SLC44A5: variants seen among roughly 807,000 people sequenced by gnomAD.
SLC44A5 encodes the protein choline transporter-like protein 5.
Under a neutral mutation model 101.8 loss-of-function variants are expected in SLC44A5, and 57 were observed. That is an observed-to-expected ratio of 0.56 (90% CI 0.45 to 0.70). The LOEUF is 0.70. Among genes scored for constraint, SLC44A5 ranks in the 30% least tolerant of loss-of-function variants. The probability of loss-of-function intolerance (pLI) is 0.00; values close to 1 mark genes in which losing one functional copy is unlikely to be tolerated. For missense variants in SLC44A5, 737 were observed against 853.1 expected (o/e 0.86, Z 1.70); for synonymous variants, 281 against 290.9 (o/e 0.97, Z 0.35).
intron 2 of SLC44A5, among the ~76,000 whole-genome samples, chr1:75,444,838 A>G (rs1335338183): frequency 1.3e-5 from 2 of 152,134 alleles, no homozygotes; most frequent in Non-Finnish European, 2.9e-5. Flanking sequence ...GAAGATCATG[A>G]AGTACTCTTC....
chr1:75,594,663 A>T (rs1237417095), intron 1 of SLC44A5, among the ~76,000 whole-genome samples: 1 of 151,918 alleles, frequency 6.6e-6, no homozygotes, highest in African/African-American at 2.4e-5. Context: ...GAAAATTAAT[A>T]TTTTCAAATT....
At chr1:75,685,121 C>T in the SLC44A5 span, among the ~76,000 whole-genome samples, 1 of 152,216 alleles carries the variant, frequency 6.6e-6, no homozygotes, top group Non-Finnish European at 1.5e-5. Context: ...ATGGCCTAAG[C>T]TGTACCTTGG....
chr1:75,360,304 T>C (rs972565047), intron 3 of SLC44A5, among the ~76,000 whole-genome samples: 1 of 152,144 alleles, frequency 6.6e-6, no homozygotes, highest in African/African-American at 2.4e-5. Context: ...GTTTCAGGTA[T>C]ATATTTAATT....
chr1:75,466,118 A>G (rs1201555879), intron 2 of SLC44A5, among the ~76,000 whole-genome samples: 1 of 152,212 alleles, frequency 6.6e-6, no homozygotes, highest in African/African-American at 2.4e-5. Flanking sequence ...ATTGACACAA[A>G]TATCTTCAAC....
At chr1:75,398,719 GT>G (rs1215770375) in intron 2 of SLC44A5, among the ~76,000 whole-genome samples, 1 of 152,070 alleles carries the variant, frequency 6.6e-6, no homozygotes, top group Non-Finnish European at 1.5e-5. Context: ...AAAAAGCAAA[GT>G]TCATATTTTG....
intron 3 of SLC44A5, among the ~76,000 whole-genome samples, chr1:75,376,974 G>A (rs960816674): frequency 1.3e-5 from 2 of 152,166 alleles, no homozygotes; most frequent in South Asian, 4.1e-4. Context: ...ATACAGAGAA[G>A]TGCTTAAAGG....
intron 2 of SLC44A5, among the ~76,000 whole-genome samples, chr1:75,430,669 A>G (rs1400354509): frequency 6.6e-6 from 1 of 152,238 alleles, no homozygotes; most frequent in Non-Finnish European, 1.5e-5. Context: ...AAATGCAAGT[A>G]TGTGGACACC....
intron 2 of SLC44A5, among the ~76,000 whole-genome samples, chr1:75,492,751 A>T (rs752915596): frequency 1.3e-5 from 2 of 152,180 alleles, no homozygotes; most frequent in Non-Finnish European, 2.9e-5. Context: ...GGAAAAAGGT[A>T]TTATGATTAT....
the SLC44A5 span, among the ~76,000 whole-genome samples, chr1:75,694,845 C>T: frequency 5.3e-5 from 8 of 152,114 alleles, no homozygotes; most frequent in Admixed American, 4.6e-4. Context: ...CATTCTAAGT[C>T]GTTCAAAATG....
At chr1:75,591,659 A>G (rs544876322) in intron 1 of SLC44A5, among the ~76,000 whole-genome samples, 1 of 152,270 alleles carries the variant, frequency 6.6e-6, no homozygotes, top group South Asian at 2.1e-4. Flanking sequence ...TCAACAATAC[A>G]CTAGAAAGAT....
chr1:75,287,054 C>G (rs1375489972), intron 5 of SLC44A5, among the ~76,000 whole-genome samples: 1 of 152,176 alleles, frequency 6.6e-6, no homozygotes, highest in Non-Finnish European at 1.5e-5. Flanking sequence ...TTTTAGATTT[C>G]TCTTCTTCCT....
At chr1:75,574,183 A>T (rs971014235) in intron 1 of SLC44A5, among the ~76,000 whole-genome samples, 2 of 152,210 alleles carry the variant, frequency 1.3e-5, no homozygotes, top group African/African-American at 4.8e-5. Context: ...GGCTTATCCT[A>T]TTAAGAAATA....
chr1:75,406,603 A>T (rs1662884423), intron 2 of SLC44A5, among the ~76,000 whole-genome samples: 1 of 152,234 alleles, frequency 6.6e-6, no homozygotes, highest in African/African-American at 2.4e-5. Context: ...GGAACCAATG[A>T]CAAAAAGCAC....
chr1:75,228,049 GT>G (rs2100543302), intron 12 of SLC44A5, among the ~76,000 whole-genome samples, 192 bp from the exon 13 acceptor site: 1 of 152,220 alleles, frequency 6.6e-6, no homozygotes, highest in Non-Finnish European at 1.5e-5. Flanking sequence ...TGATATAAAT[GT>G]TTTCAGTATT....
intron 2 of SLC44A5, among the ~76,000 whole-genome samples, chr1:75,464,832 C>A (rs1437163059): frequency 6.6e-6 from 1 of 152,202 alleles, no homozygotes; most frequent in East Asian, 1.9e-4. Context: ...GAGAATATAA[C>A]AATTTTAAAT....
At chr1:75,402,997 G>A (rs1410222547) in intron 2 of SLC44A5, among the ~76,000 whole-genome samples, 1 of 152,180 alleles carries the variant, frequency 6.6e-6, no homozygotes, top group African/African-American at 2.4e-5. Flanking sequence ...TGGGACACTT[G>A]AGGTTGATGG....
At chr1:75,664,221 G>T in the SLC44A5 span, among the ~76,000 whole-genome samples, 2 of 152,002 alleles carry the variant, frequency 1.3e-5, no homozygotes, top group Non-Finnish European at 2.9e-5. Context: ...GCAAAAACTG[G>T]GAGCATTCCC....
chr1:75,396,433 A>G (rs755576702), intron 3 of SLC44A5, 150 bp downstream of exon 3: 24 of 675,064 alleles, frequency 3.6e-5, no homozygotes, highest in Non-Finnish European at 5.1e-5. Context: ...CAGACAGTTG[A>G]AAGAAGAATC....
At chr1:75,369,250 T>A (rs1660068210) in intron 3 of SLC44A5, among the ~76,000 whole-genome samples, 1 of 152,086 alleles carries the variant, frequency 6.6e-6, no homozygotes, top group African/African-American at 2.4e-5. Context: ...AATTGTGGCC[T>A]CAAGCTATCC....
Sources: gnomAD v4.1 joint callset for allele counts (sites outside exome capture counted in the v4.1 genomes callset) on GRCh38, gnomAD v4.1.1 for gene constraint, MANE v1.5 for transcripts, NCBI Gene and HGNC (gene_info 2026-07-23, HGNC 2026-07-21) for gene names.